Variants in TRAF3 observed in about 807,000 individuals in gnomAD.
The protein encoded by TRAF3 is TNF receptor associated factor 3, also known as TNF receptor-associated factor 3.
TRAF3 carries 13 observed loss-of-function variants against 62.3 expected under a neutral mutation model. The ratio of observed to expected loss-of-function variants is 0.21; its 90% CI spans 0.14 to 0.33. The LOEUF (loss-of-function observed/expected upper bound fraction) is 0.33, where lower values mean the gene tolerates loss of function less well. TRAF3 is among the 10% of genes least tolerant of loss of function. The pLI is 1.00. For missense variants in TRAF3, 440 were observed against 741.8 expected, an observed-to-expected ratio of 0.59 and a Z score of 4.73; for synonymous variants, 269 against 283.4, an observed-to-expected ratio of 0.95 and a Z score of 0.51.
intron 6 of TRAF3, among the ~76,000 whole-genome samples, chr14:102,884,687 C>T (rs1355849673): frequency 6.6e-6 from 1 of 151,952 alleles, no homozygotes; most frequent in East Asian, 1.9e-4. Flanking sequence ...GATGTGTTGC[C>T]TGTAGTCCCA....
intron 1 of TRAF3, 129 bp downstream of exon 1, chr14:102,777,804 G>GGCGCAGGCCCGGCCCGTCCCA (rs1897081952): frequency 6.9e-6 from 1 of 145,236 alleles, no homozygotes; most frequent in African/African-American, 2.5e-5. Context: ...GGCCCGGCGC[G>GGCGCAGGCCCGGCCCGTCCCA]GCGCAGGCCC....
intron 1 of TRAF3, among the ~76,000 whole-genome samples, chr14:102,786,877 C>G (rs1433061876): frequency 6.6e-6 from 1 of 152,172 alleles, no homozygotes; most frequent in African/African-American, 2.4e-5. Context: ...GTAGTCCCAT[C>G]TAACTACTCA....
Position 102,897,860 on chromosome 14 carries a change from C to T in TRAF3, c.960+459C>T, listed in dbSNP as rs140779608. Among the ~76,000 whole-genome samples, 53 of 152,360 alleles carry T rather than the reference C, an allele frequency of 3.5e-4. No individual in the cohort carries two copies. In the East Asian group the frequency reaches 0.01, roughly 29 times the overall value. ...CTGGGTTTCACTGTGGAAATCCACA[C>T]GCACCTCCAGAAGAACAAACCAGTG... On this transcript the variant is annotated intron_variant, in intron 10 of 11. Transcript: ENST00000392745.
chr14:102,896,818 C>CT (rs1369440930), intron 9 of TRAF3, among the ~76,000 whole-genome samples: 1 of 152,192 alleles, frequency 6.6e-6, no homozygotes, highest in East Asian at 1.9e-4. Flanking sequence ...AATCCCAACT[C>CT]TTTGAGAGGC....
chr14:102,856,089 C>T lies in TRAF3; in HGVS notation c.-17-14096C>T, dbSNP rs1416880272. Among the ~76,000 whole-genome samples the T allele has an allele frequency of 3.9e-5, 5 of 129,374 alleles. No individual in the cohort carries two copies. The East Asian group carries it at 1.2e-3, about 31-fold the overall frequency. 84.9% of individuals were successfully genotyped at this position (129,374 alleles called of 152,430 possible). ...CCAGCCTGGGCAACAGAGTAAAACC[C>T]TGTCTCACAAAAAAAAAAAAAAAAA... On this transcript the variant is annotated intron_variant, in intron 2 of 11. Coordinates refer to ENST00000392745, the MANE Select transcript of TRAF3 (RefSeq NM_145725.3).
intron 1 of TRAF3, among the ~76,000 whole-genome samples, chr14:102,798,726 C>T (rs757737169): frequency 5.3e-5 from 8 of 152,176 alleles, no homozygotes; most frequent in African/African-American, 1.4e-4. Flanking sequence ...CCTCCTGATT[C>T]GGCCTCCCAA....
chr14:102,874,344 C>T (rs1265022557), intron 4 of TRAF3, among the ~76,000 whole-genome samples: 2 of 152,184 alleles, frequency 1.3e-5, no homozygotes, highest in Non-Finnish European at 2.9e-5. Context: ...GCAACCTCCT[C>T]CTCCCGGGTT....
chr14:102,791,682 A>C (rs1342690172), intron 1 of TRAF3, among the ~76,000 whole-genome samples: 1 of 152,114 alleles, frequency 6.6e-6, no homozygotes, highest in African/African-American at 2.4e-5. Flanking sequence ...TTTCTTGCCT[A>C]ATTGCTCTGG....
intron 2 of TRAF3, among the ~76,000 whole-genome samples, chr14:102,860,182 G>T (rs1291720066): frequency 6.6e-6 from 1 of 152,122 alleles, no homozygotes; most frequent in Non-Finnish European, 1.5e-5. Flanking sequence ...CCCCCACAGT[G>T]CCATTTAGCC....
intron 9 of TRAF3, among the ~76,000 whole-genome samples, chr14:102,892,047 CTTTTT>C (rs778938323): frequency 2.5e-5 from 3 of 121,444 alleles, no homozygotes. Context: ...CCATGCTGTT[CTTTTT>C]TTTTTTTTTT....
chr14:102,833,710 T>C (rs1462037195), intron 2 of TRAF3, among the ~76,000 whole-genome samples: 3 of 152,154 alleles, frequency 2.0e-5, no homozygotes, highest in African/African-American at 7.2e-5. Context: ...TATTCGGGCA[T>C]GTGGCCGGGT....
intron 1 of TRAF3, among the ~76,000 whole-genome samples, chr14:102,789,531 G>T (rs1897683969): frequency 6.6e-6 from 1 of 152,034 alleles, no homozygotes; most frequent in African/African-American, 2.4e-5. Context: ...CAAGGTTTCA[G>T]AGTGGCACCT....
chr14:102,876,394 C>A lies in TRAF3; in HGVS notation c.439C>A (p.Pro147Thr). 3.7e-6 allele frequency: 6 copies of A among 1,614,198 alleles called. No homozygotes were observed. Among genetic ancestry groups the A allele is most frequent in the Non-Finnish European group, 5.1e-6 (6 of 1,180,040 alleles). Residue 147 changes from proline to threonine, a missense_variant, in exon 6 of 12, where the codon CCA (proline) becomes ACA (threonine). Physicochemically the swap from Pro to Thr is conservative, Grantham distance 38 (BLOSUM62 -1). This residue lies in a region of TRAF3 where 255 missense variants were observed against 424.1 expected (regional missense o/e 0.60). Coordinates refer to ENST00000392745, the MANE Select transcript of TRAF3 (RefSeq NM_145725.3). ...AAATGATTGCCATTTTGAAGAACTT[C>A]CATGTGTGCGTCCTGACTGCAAAGA... ...LKNDCHFEEL[P>T]CVRPDCKEKV...
intron 2 of TRAF3, among the ~76,000 whole-genome samples, chr14:102,853,622 G>T (rs1391528117): frequency 1.3e-5 from 2 of 151,982 alleles, no homozygotes; most frequent in Non-Finnish European, 2.9e-5. Context: ...ATCACCTGAG[G>T]TCAAGAGTTC....
In TRAF3 at chr14:102,903,774, G is replaced by A. The variant is rs1402021120; in HGVS notation, c.1135+345G>A. On this transcript the variant is annotated intron_variant, in intron 11 of 11. Transcript: ENST00000392745. This position sits in a 1 kb window ranked among gnomAD's most constrained non-coding sequence, Gnocchi z 6.4. The stretch of plus-strand genomic sequence containing the variant: ...CAGATGGCAGAGGCCAGGACCTGCT[G>A]GTCGGGGCGCCCCAGACCCCACTCC... 4.0e-6 allele frequency: 2 copies of A among 496,842 alleles called. No homozygotes were observed. Among genetic ancestry groups the A allele is most frequent in the South Asian group, 3.1e-5 (2 of 64,892 alleles). 30.8% of individuals were successfully genotyped at this position (496,842 alleles called of 1,614,324 possible).
At chr14:102,867,931 C>G (rs551909314) in intron 2 of TRAF3, among the ~76,000 whole-genome samples, 2 of 152,368 alleles carry the variant, frequency 1.3e-5, no homozygotes, top group South Asian at 4.1e-4. Flanking sequence ...CTCAAATTGT[C>G]TGCTGCCGGC....
chr14:102,835,307 T>G (rs1274563933), intron 2 of TRAF3, among the ~76,000 whole-genome samples: 1 of 147,928 alleles, frequency 6.8e-6, no homozygotes, highest in Non-Finnish European at 1.5e-5. Flanking sequence ...GTTGGTGGAG[T>G]GTAAACTAGT....
intron 1 of TRAF3, among the ~76,000 whole-genome samples, chr14:102,791,308 C>A (rs373758197): frequency 6.6e-6 from 1 of 152,022 alleles, no homozygotes; most frequent in African/African-American, 2.4e-5. Flanking sequence ...TATGAGCCAC[C>A]GCGCCCAGCT....
chr14:102,872,063 T>C, intron 4 of TRAF3, 95 bp downstream of exon 4: 2 of 1,356,962 alleles, frequency 1.5e-6, no homozygotes, highest in Non-Finnish European at 2.1e-6. Flanking sequence ...CACAACACAT[T>C]CTCTCAGTTT....
Sources: allele counts gnomAD v4.1 joint callset (sites outside exome capture counted in the v4.1 genomes callset), GRCh38; gene constraint gnomAD v4.1.1; regional missense constraint gnomAD v4.1.1; non-coding constraint Gnocchi (gnomAD v3.1); transcripts MANE v1.5; gene names NCBI Gene and HGNC (gene_info 2026-07-23, HGNC 2026-07-21).